Variants in CLDN15 observed in about 807,000 individuals in gnomAD.
CLDN15 encodes claudin-15.
A neutral mutation model predicts 24.5 loss-of-function variants in CLDN15; 9 were observed. The observed-to-expected ratio is 0.37, with a 90% CI of 0.22 to 0.64. The LOEUF is 0.64. Among genes scored for constraint, CLDN15 ranks in the 30% least tolerant of loss-of-function variants. CLDN15 has a pLI of 0.63. For synonymous variants in CLDN15, 149 were observed against 131.4 expected (o/e 1.13, Z -0.92); for missense variants, 248 against 305.9 (o/e 0.81, Z 1.41).
At chr7:101,234,565 TAC>T (rs1021434726) in intron 1 of CLDN15, 123 bp from the exon 2 acceptor site, 15 of 670,640 alleles carry the variant, frequency 2.2e-5, no homozygotes, top group Non-Finnish European at 3.9e-5. Context: ...TAGCTGGGAT[TAC>T]AGACACGCAC....
intron 1 of CLDN15, 94 bp from the exon 2 acceptor site, chr7:101,234,536 C>G: frequency 1.2e-6 from 1 of 823,960 alleles, no homozygotes; most frequent in Non-Finnish European, 2.0e-6. Context: ...AAGTGATTCT[C>G]CTGCCTCAGC....
chr7:101,233,610 ATT>A (rs34812545), intron 2 of CLDN15, among the ~76,000 whole-genome samples: 36 of 149,102 alleles, frequency 2.4e-4, no homozygotes, highest in African/African-American at 8.8e-4. Flanking sequence ...TGCCTTGGCC[ATT>A]TTTTTTTTGA....
At chr7:101,237,967 A>G, upstream of CLDN15, 2 of 300,246 alleles carry the variant, frequency 6.7e-6, no homozygotes, top group South Asian at 6.8e-5. The surrounding 1 kb of genome is among the most constrained non-coding windows in gnomAD (Gnocchi z 4.0). Context: ...ACAGCCAAGG[A>G]GGGGCCCCCA....
chr7:101,234,999 A>T (rs1798595929), intron 1 of CLDN15, among the ~76,000 whole-genome samples: 1 of 151,828 alleles, frequency 6.6e-6, no homozygotes, highest in Non-Finnish European at 1.5e-5. Flanking sequence ...CCTGACCTCT[A>T]CCCACGGGGT....
chr7:101,236,931 C>T, intron 1 of CLDN15: 1 of 639,102 alleles, frequency 1.6e-6, no homozygotes, highest in Non-Finnish European at 2.5e-6. Context: ...GGGCCTCCTC[C>T]CCCTGCCCAC....
Position 101,237,493 on chromosome 7 carries a change from C to A in CLDN15, c.89G>T (p.Arg30Leu). The A allele has an allele frequency of 6.2e-7, 1 of 1,614,082 alleles. No homozygotes were observed. The highest frequency in any genetic ancestry group is 8.5e-7 in the Non-Finnish European group (1 of 1,179,932). ...LGVTLPNSYW[R>L]VSTVHGNVIT... ...GACGTTCCCGTGCACAGTGGACACTCGCCAGTAGCTGTTTGGCAGAGTCAC... is the reference window on the plus strand; with the variant it reads ...GACGTTCCCGTGCACAGTGGACACTAGCCAGTAGCTGTTTGGCAGAGTCAC... The change falls in exon 1 of 5, where the codon CGA (arginine) becomes CTA (leucine). Residue 30 changes from arginine to leucine, a missense_variant. Arg to Leu is a moderately radical substitution (Grantham distance 102). Transcript: ENST00000308344. The surrounding 1 kb of genome is among the most constrained non-coding windows in gnomAD (Gnocchi z 4.0).
rs1249629796 is a variant in CLDN15 at position 101,232,696 on chromosome 7, G to A, written c.489C>T (p.Tyr163=). 2.5e-6 allele frequency: 4 copies of A among 1,594,590 alleles called. No homozygotes were observed. The highest frequency in any genetic ancestry group is 1.8e-5 in the Admixed American group (1 of 56,718). ...AGATCAGTGAGGCGCTCCACCCCAG[G>A]TAGAGGGCGGGGCCCAGCTCGTACC... ...GTKYELGPAL[Y]LGWSASLISI... is the part of the protein sequence containing the mutation. The change falls in exon 4 of 5, where the codon TAC becomes TAT. Residue 163 remains tyrosine (Y), a synonymous_variant. Transcript: ENST00000308344.
At chr7:101,232,750 G>T (rs758560727) in intron 3 of CLDN15, 30 bp from the exon 4 acceptor site, 2 of 1,581,440 alleles carry the variant, frequency 1.3e-6, no homozygotes, top group Admixed American at 1.7e-5. Flanking sequence ...GGGGGCGGGG[G>T]ACAAGTGAGA....
rs546609333 is a variant in CLDN15, at chr7:101,232,194, G to A, written c.*216C>T. 173 of 545,806 alleles carry A rather than the reference G, an allele frequency of 3.2e-4. 3 individuals are homozygous for A. The South Asian group carries it at 3.3e-3, about 11-fold the overall frequency. 33.8% of individuals were successfully genotyped at this position (545,806 alleles called of 1,614,324 possible). Reference sequence around the variant, plus strand: ...AGCCCAGAACCCAGGGTCAGAAGATGAGGGATCCAGCCTCAGAGGGGAGAT... The same window carrying A: ...AGCCCAGAACCCAGGGTCAGAAGATAAGGGATCCAGCCTCAGAGGGGAGAT... On this transcript the variant is annotated 3_prime_UTR_variant, in exon 5 of 5. Coordinates refer to ENST00000308344, the MANE Select transcript of CLDN15 (RefSeq NM_014343.3).
chr7:101,237,596 C>T lies in CLDN15; in HGVS notation c.-15G>A. On this transcript the variant is annotated 5_prime_UTR_variant, in exon 1 of 5. Coordinates refer to ENST00000308344, the MANE Select transcript of CLDN15 (RefSeq NM_014343.3). The surrounding 1 kb of genome is among the most constrained non-coding windows in gnomAD (Gnocchi z 4.0). ...GCCATCGACATGGTGGGATGCAGGACCCTGGGGGGCTGGTGCCCCAGAGAG... is the reference window on the plus strand; with the variant it reads ...GCCATCGACATGGTGGGATGCAGGATCCTGGGGGGCTGGTGCCCCAGAGAG... 1.2e-6 allele frequency: 2 copies of T among 1,602,322 alleles called. No individual in the cohort carries two copies. The highest frequency in any genetic ancestry group is 1.7e-4 in the Middle Eastern group (1 of 6,044).
In CLDN15 at chr7:101,234,445, G is replaced by A; in HGVS notation, c.218-3C>T. On this transcript the variant is annotated splice_polypyrimidine_tract_variant and splice_region_variant and intron_variant, in intron 1 of 4. Transcript: ENST00000308344. The stretch of plus-strand genomic sequence containing the variant: ...TGCCCGGCAGGCCTGAATATACCCT[G>A]GGGGTGGGCACAGTTGTCAGCCTTT... The A allele has an allele frequency of 6.2e-7, 1 of 1,605,480 alleles. No homozygotes were observed. Among genetic ancestry groups the A allele is most frequent in the East Asian group, 2.2e-5 (1 of 44,642 alleles).
In CLDN15 at chr7:101,234,346, A is replaced by G. The variant is rs146377590; in HGVS notation, c.314T>C (p.Ile105Thr). 57 of 1,612,262 alleles carry G rather than the reference A, an allele frequency of 3.5e-5. No individual in the cohort carries two copies. The highest frequency in any genetic ancestry group is 2.9e-4 in the East Asian group (13 of 44,828). Residue 105 changes from isoleucine to threonine, a missense_variant, in exon 2 of 5, where the codon ATT (isoleucine) becomes ACT (threonine). Ile to Thr is a moderately conservative substitution (Grantham distance 89, BLOSUM62 -1). Transcript: ENST00000308344. Reference sequence around the variant, plus strand: ...TTTCCTGGAGAGCTCCAGGCCCCCAATGTTGGTGCAGCGCAGGCCCGCTAT... The same window carrying G: ...TTTCCTGGAGAGCTCCAGGCCCCCAGTGTTGGTGCAGCGCAGGCCCGCTAT... ...LGIAGLRCTNIGGLELSRKAK... is the reference protein window; with the variant it reads ...LGIAGLRCTNTGGLELSRKAK...
intron 1 of CLDN15, among the ~76,000 whole-genome samples, chr7:101,235,425 G>C (rs1050800152): frequency 6.6e-6 from 1 of 152,136 alleles, no homozygotes; most frequent in African/African-American, 2.4e-5. Flanking sequence ...CACCACACCC[G>C]GTGGAGTTTC....
intron 1 of CLDN15, chr7:101,236,906 T>A: frequency 1.0e-6 from 1 of 1,002,732 alleles, no homozygotes; most frequent in Non-Finnish European, 1.4e-6. Flanking sequence ...GATCAACCTC[T>A]AAGAATCCAA....
chr7:101,236,075 G>A (rs1347507654), intron 1 of CLDN15, among the ~76,000 whole-genome samples: 1 of 152,260 alleles, frequency 6.6e-6, no homozygotes, highest in East Asian at 1.9e-4. Flanking sequence ...GGGGACTCTG[G>A]CACCATCTTT....
intron 2 of CLDN15, chr7:101,234,016 G>A (rs921334446): frequency 3.2e-5 from 21 of 663,270 alleles, no homozygotes; most frequent in Non-Finnish European, 4.7e-5. Context: ...GGAGGCAGCC[G>A]CTCACTCTTA....
chr7:101,232,639 G>A lies in CLDN15; in HGVS notation c.546C>T (p.Ala182=), dbSNP rs1318756086. The change falls in exon 4 of 5, where the codon GCC becomes GCT. Residue 182 remains alanine, a synonymous_variant. Transcript: ENST00000308344. The part of the protein sequence containing the change: ...SILGGLCLCS[A]CCCGSDEDPA... ...GGTCCTCGTCAGAGCCGCAGCAGCAGGCGGAGCAGAGGCAGAGGCCACCCA... is the reference window on the plus strand; with the variant it reads ...GGTCCTCGTCAGAGCCGCAGCAGCAAGCGGAGCAGAGGCAGAGGCCACCCA... The A allele has an allele frequency of 2.5e-6, 4 of 1,586,832 alleles. No individual in the cohort carries two copies. Among genetic ancestry groups the A allele is most frequent in the Non-Finnish European group, 3.4e-6 (4 of 1,166,830 alleles).
chr7:101,232,386 A>G lies in CLDN15; in HGVS notation c.*24T>C, dbSNP rs1449180542. On this transcript the variant is annotated 3_prime_UTR_variant, in exon 5 of 5. Coordinates refer to ENST00000308344, the MANE Select transcript of CLDN15 (RefSeq NM_014343.3). ...CCTCTCCTTGGGGCAGTGGGAAGAC[A>G]GCGGGGCCCACGGGCCAGAGCTGCT... 2 of 1,546,602 alleles carry G rather than the reference A, an allele frequency of 1.3e-6. No homozygotes were observed. Among genetic ancestry groups the G allele is most frequent in the East Asian group, 2.2e-5 (1 of 44,482 alleles).
chr7:101,237,919 G>GT (rs2116842934), upstream of CLDN15: 2 of 365,504 alleles, frequency 5.5e-6, no homozygotes, highest in East Asian at 6.2e-5. The surrounding 1 kb of genome is among the most constrained non-coding windows in gnomAD (Gnocchi z 4.0). Flanking sequence ...CCCCACGAGG[G>GT]TGGGGGGGGC....
Sources: allele counts gnomAD v4.1 joint callset (sites outside exome capture counted in the v4.1 genomes callset), GRCh38; gene constraint gnomAD v4.1.1; non-coding constraint Gnocchi (gnomAD v3.1); transcripts MANE v1.5; gene names NCBI Gene and HGNC (gene_info 2026-07-23, HGNC 2026-07-21).